The following TMEM87A variants were observed in gnomAD, a reference collection of about 807,000 sequenced individuals.
TMEM87A encodes the protein Golgi-pH regulating cation channel.
A neutral mutation model predicts 90.0 loss-of-function variants in TMEM87A; 50 were observed. The ratio of observed to expected loss-of-function variants is 0.56; its 90% CI spans 0.44 to 0.70. The LOEUF (loss-of-function observed/expected upper bound fraction) is 0.70, where lower values mean the gene tolerates loss of function less well. TMEM87A is among the 30% of genes least tolerant of loss of function. The pLI is 0.00. For synonymous variants in TMEM87A, 226 were observed against 226.7 expected (o/e 1.00, Z 0.03); for missense variants, 577 against 660.5 (o/e 0.87, Z 1.39).
At chr15:42,260,451 C>A (rs1198628144) in intron 6 of TMEM87A, among the ~76,000 whole-genome samples, 1 of 152,166 alleles carries the variant, frequency 6.6e-6, no homozygotes, top group Non-Finnish European at 1.5e-5. Flanking sequence ...AAACTTTAAT[C>A]AGCTTTGTAA....
rs551059872 is a variant in TMEM87A, at chr15:42,228,812, A to G, written c.1140T>C (p.Ile380=). Residue 380 remains isoleucine (I), a synonymous_variant, in exon 13 of 20, where the codon ATT becomes ATC. Transcript: ENST00000389834. The part of the protein sequence containing the change: ...LDTALCWWIF[I]SLTQTMKLLK... ...ATAGCTTCATTGTTTGAGTCAGGCTAATAAATATGTGTTTGCAGGTCAAGG... is the reference window on the plus strand; with the variant it reads ...ATAGCTTCATTGTTTGAGTCAGGCTGATAAATATGTGTTTGCAGGTCAAGG... 1 of 1,585,818 alleles carries G rather than the reference A, an allele frequency of 6.3e-7. No individual in the cohort carries two copies. The highest frequency in any genetic ancestry group is 2.2e-5 in the East Asian group (1 of 44,520).
intron 6 of TMEM87A, among the ~76,000 whole-genome samples, chr15:42,259,319 C>T (rs2051245387): frequency 6.6e-6 from 1 of 152,130 alleles, no homozygotes; most frequent in Non-Finnish European, 1.5e-5. Flanking sequence ...GACGGGGTTT[C>T]ACCACGTTGG....
chr15:42,270,159 C>T (rs1483779287), intron 2 of TMEM87A, among the ~76,000 whole-genome samples: 1 of 152,056 alleles, frequency 6.6e-6, no homozygotes, highest in Non-Finnish European at 1.5e-5. Context: ...AACTTGAGGT[C>T]GGGAGTTCGA....
intron 9 of TMEM87A, among the ~76,000 whole-genome samples, chr15:42,237,122 T>C (rs1345970541): frequency 1.3e-5 from 2 of 152,200 alleles, no homozygotes; most frequent in African/African-American, 4.8e-5. Flanking sequence ...TTGACAGCTT[T>C]ACTTTTTTTC....
intron 13 of TMEM87A, among the ~76,000 whole-genome samples, chr15:42,228,116 C>T (rs1299230954): frequency 6.6e-6 from 1 of 151,970 alleles, no homozygotes; most frequent in Non-Finnish European, 1.5e-5. Flanking sequence ...TCCTTTTATC[C>T]TTAGTATAGT....
chr15:42,237,304 G>T (rs2050786663), intron 9 of TMEM87A, 128 bp downstream of exon 9: 1 of 887,538 alleles, frequency 1.1e-6, no homozygotes, highest in Non-Finnish European at 1.7e-6. Flanking sequence ...TAGTGATTCT[G>T]CTTAAGATAT....
intron 15 of TMEM87A, among the ~76,000 whole-genome samples, chr15:42,223,268 C>T (rs998881983): frequency 6.6e-6 from 1 of 152,058 alleles, no homozygotes; most frequent in Non-Finnish European, 1.5e-5. Context: ...TGGTGCACAC[C>T]GGTGGTCCCA....
intron 15 of TMEM87A, among the ~76,000 whole-genome samples, chr15:42,225,316 G>C (rs1595712451): frequency 6.6e-6 from 1 of 152,094 alleles, no homozygotes; most frequent in South Asian, 2.1e-4. Flanking sequence ...GGGGGGGAAG[G>C]CATAATCACA....
chr15:42,271,798 TAATA>T (rs912658226), intron 2 of TMEM87A, among the ~76,000 whole-genome samples: 1 of 150,860 alleles, frequency 6.6e-6, no homozygotes, highest in African/African-American at 2.4e-5. Flanking sequence ...GCATATATAT[TAATA>T]TATACATTAT....
At chr15:42,271,067 A>G (rs1257389712) in intron 2 of TMEM87A, among the ~76,000 whole-genome samples, 16 of 152,244 alleles carry the variant, frequency 1.1e-4, no homozygotes, top group Admixed American at 1.0e-3. Flanking sequence ...TCCCTCATCT[A>G]GAAATAAAGC....
At chr15:42,235,725 G>A (rs2050757692) in intron 10 of TMEM87A, among the ~76,000 whole-genome samples, 1 of 152,018 alleles carries the variant, frequency 6.6e-6, no homozygotes, top group South Asian at 2.1e-4. Flanking sequence ...AGCCCTCCTT[G>A]ATCACCCTAT....
intron 17 of TMEM87A, among the ~76,000 whole-genome samples, chr15:42,218,677 C>G (rs1183461728): frequency 6.6e-6 from 1 of 152,148 alleles, no homozygotes; most frequent in African/African-American, 2.4e-5. Context: ...TCTTTCTGTG[C>G]CTGGCTTATT....
intron 11 of TMEM87A, 144 bp from the exon 12 acceptor site, chr15:42,231,404 A>T: frequency 1.8e-6 from 1 of 563,428 alleles, no homozygotes; most frequent in Non-Finnish European, 3.0e-6. Context: ...TTTGACACCT[A>T]ATCATTCTTC....
At chr15:42,270,049 C>T (rs2051487062) in intron 2 of TMEM87A, among the ~76,000 whole-genome samples, 1 of 149,490 alleles carries the variant, frequency 6.7e-6, no homozygotes, top group Non-Finnish European at 1.5e-5. Context: ...TGAGAAAGCA[C>T]AGAAATAACA....
Position 42,218,323 on chromosome 15 carries a change from A to T in TMEM87A, c.1595T>A (p.Val532Glu), listed in dbSNP as rs771521743. 1 of 1,613,622 alleles carries T rather than the reference A, an allele frequency of 6.2e-7. No individual in the cohort carries two copies. ...EENVPSSVTD[V>E]ALPALLDSDE... ...TTGTGGTAATCATTCAAAAACTTACACATCTGTCACAGAAGAAGGAACATT... is the reference window on the plus strand; with the variant it reads ...TTGTGGTAATCATTCAAAAACTTACTCATCTGTCACAGAAGAAGGAACATT... Residue 532 changes from valine (V) to glutamate (E), a missense_variant and splice_region_variant, in exon 18 of 20, where the codon GTA (valine) becomes GAA (glutamate). By Grantham distance (121) the Val-to-Glu change is moderately radical. Coordinates refer to ENST00000389834, the MANE Select transcript of TMEM87A (RefSeq NM_015497.5).
intron 17 of TMEM87A, among the ~76,000 whole-genome samples, 184 bp from the exon 18 acceptor site, chr15:42,218,562 C>T (rs113827959): frequency 2.0e-5 from 3 of 152,252 alleles, no homozygotes; most frequent in African/African-American, 7.2e-5. Flanking sequence ...CTTTGACCAA[C>T]ATCTCCCCAG....
At chr15:42,273,228 T>A in intron 1 of TMEM87A, 27 bp downstream of exon 1, 1 of 1,613,646 alleles carries the variant, frequency 6.2e-7, no homozygotes, top group Non-Finnish European at 8.5e-7. Flanking sequence ...TCCTCTAGGT[T>A]CAGACGTTAG....
At position 42,231,266 on chromosome 15, in the gene TMEM87A, G is replaced by C; in HGVS notation, c.1063-6C>G. On this transcript the variant is annotated splice_polypyrimidine_tract_variant and splice_region_variant and intron_variant, in intron 11 of 19. Coordinates refer to ENST00000389834, the MANE Select transcript of TMEM87A (RefSeq NM_015497.5). ...GAAGCAAGATCAGTCTGGGCCTGCA[G>C]ACAAAGAAAAAGAAGTGGTGAAAAA... 6.4e-7 allele frequency: 1 copy of C among 1,557,334 alleles called. No homozygotes were observed. The highest frequency in any genetic ancestry group is 8.6e-7 in the Non-Finnish European group (1 of 1,158,224).
intron 6 of TMEM87A, chr15:42,258,983 A>G: frequency 1.1e-6 from 1 of 872,758 alleles, no homozygotes; most frequent in Non-Finnish European, 1.9e-6. Flanking sequence ...CAAGAAAGGC[A>G]TCTGAATCTA....
Sources: gnomAD v4.1 joint callset for allele counts (sites outside exome capture counted in the v4.1 genomes callset) on GRCh38, gnomAD v4.1.1 for gene constraint, MANE v1.5 for transcripts, NCBI Gene and HGNC (gene_info 2026-07-23, HGNC 2026-07-21) for gene names.